Variants in LYPLAL1 observed in about 807,000 individuals in gnomAD.
The protein encoded by LYPLAL1 is lysophospholipase-like protein 1.
A neutral mutation model predicts 19.7 loss-of-function variants in LYPLAL1; 23 were observed. That is an observed-to-expected ratio of 1.17 (90% CI 0.84 to 1.65). The LOEUF (loss-of-function observed/expected upper bound fraction) is 1.65, where lower values mean the gene tolerates loss of function less well. Ranked by LOEUF, LYPLAL1 falls within the 40% of genes most tolerant of loss-of-function variation. The probability of loss-of-function intolerance (pLI) is 0.00; values close to 1 mark genes in which losing one functional copy is unlikely to be tolerated. For missense variants in LYPLAL1, 355 were observed against 279.4 expected (o/e 1.27, Z -1.93); for synonymous variants, 119 against 96.3 (o/e 1.24, Z -1.38).
the LYPLAL1 span, among the ~76,000 whole-genome samples, chr1:219,257,107 A>C: frequency 6.6e-6 from 1 of 151,938 alleles, no homozygotes; most frequent in Non-Finnish European, 1.5e-5. Flanking sequence ...CTTATGTTTT[A>C]GATCTGCTTG....
chr1:219,442,824 T>TA, the LYPLAL1 span, among the ~76,000 whole-genome samples: 3 of 152,162 alleles, frequency 2.0e-5, no homozygotes, highest in South Asian at 6.2e-4. Flanking sequence ...TATCTGACCT[T>TA]ATGATGGTAA....
At chr1:219,261,095 G>A in the LYPLAL1 span, among the ~76,000 whole-genome samples, 2 of 152,016 alleles carry the variant, frequency 1.3e-5, no homozygotes, top group Admixed American at 6.6e-5. Flanking sequence ...GTATTCAGAG[G>A]AAAAGGCATC....
the LYPLAL1 span, among the ~76,000 whole-genome samples, chr1:219,228,402 G>T: frequency 6.6e-6 from 1 of 152,210 alleles, no homozygotes; most frequent in African/African-American, 2.4e-5. Flanking sequence ...AAGTTGGAAA[G>T]TGAGAAAATC....
At chr1:219,321,883 C>G in the LYPLAL1 span, among the ~76,000 whole-genome samples, 33 of 152,216 alleles carry the variant, frequency 2.2e-4, 1 homozygote, top group East Asian at 6.0e-3. Context: ...ATACCCTAGA[C>G]CAAAGCAGCA....
the LYPLAL1 span, among the ~76,000 whole-genome samples, chr1:219,403,076 G>C: frequency 1.3e-5 from 2 of 152,262 alleles, no homozygotes; most frequent in East Asian, 3.9e-4. Flanking sequence ...ATCCTCAGGG[G>C]CAGAAACCAA....
chr1:219,242,052 A>G, the LYPLAL1 span, among the ~76,000 whole-genome samples: 1 of 152,224 alleles, frequency 6.6e-6, no homozygotes. Flanking sequence ...AATTTAAAAT[A>G]TGTTTTCTTT....
At chr1:219,394,168 T>C in the LYPLAL1 span, among the ~76,000 whole-genome samples, 1 of 152,170 alleles carries the variant, frequency 6.6e-6, no homozygotes, top group African/African-American at 2.4e-5. Context: ...TATGAGGATA[T>C]GTTTTTGTTA....
At chr1:219,259,837 A>G in the LYPLAL1 span, among the ~76,000 whole-genome samples, 2 of 151,942 alleles carry the variant, frequency 1.3e-5, no homozygotes, top group African/African-American at 2.4e-5. Context: ...AGATTACTCA[A>G]TTAAACAAAG....
At chr1:219,249,130 A>G in the LYPLAL1 span, among the ~76,000 whole-genome samples, 1 of 151,984 alleles carries the variant, frequency 6.6e-6, no homozygotes, top group African/African-American at 2.4e-5. Context: ...AAAGAACTAG[A>G]TGGTCATCAG....
the LYPLAL1 span, among the ~76,000 whole-genome samples, chr1:219,294,424 AAC>A: frequency 0.32 from 48,951 of 151,928 alleles, 8,321 homozygotes; most frequent in East Asian, 0.6. Flanking sequence ...TTTCATGGAG[AAC>A]ACAGAGCAAG....
the LYPLAL1 span, among the ~76,000 whole-genome samples, chr1:219,224,674 A>T: frequency 6.6e-6 from 1 of 152,202 alleles, no homozygotes; most frequent in African/African-American, 2.4e-5. Context: ...AATGTTGTAG[A>T]TTCAGAACTA....
At chr1:219,293,453 A>C in the LYPLAL1 span, among the ~76,000 whole-genome samples, 4 of 150,904 alleles carry the variant, frequency 2.7e-5, no homozygotes, top group Non-Finnish European at 5.9e-5. Context: ...CTCTCCCCCC[A>C]GCTCTCTCCC....
At chr1:219,190,931 G>C (rs749236875) in intron 2 of LYPLAL1, among the ~76,000 whole-genome samples, 1 of 151,512 alleles carries the variant, frequency 6.6e-6, no homozygotes. Context: ...ATTTTCCAAG[G>C]AAAAGGAATG....
At chr1:219,288,791 A>G in the LYPLAL1 span, among the ~76,000 whole-genome samples, 1 of 151,906 alleles carries the variant, frequency 6.6e-6, no homozygotes, top group Non-Finnish European at 1.5e-5. Flanking sequence ...CTTCTTCTCA[A>G]TGTTGCCATA....
At chr1:219,429,885 T>C in the LYPLAL1 span, among the ~76,000 whole-genome samples, 1 of 152,304 alleles carries the variant, frequency 6.6e-6, no homozygotes, top group East Asian at 1.9e-4. Context: ...TACAGTTATC[T>C]TGCACTTGGA....
the LYPLAL1 span, among the ~76,000 whole-genome samples, chr1:219,352,896 A>G: frequency 6.6e-6 from 1 of 152,226 alleles, no homozygotes; most frequent in African/African-American, 2.4e-5. Context: ...TAAAATATTT[A>G]CCATGCTATC....
chr1:219,360,237 G>A, the LYPLAL1 span, among the ~76,000 whole-genome samples: 1 of 152,130 alleles, frequency 6.6e-6, no homozygotes, highest in Non-Finnish European at 1.5e-5. Context: ...TTCCAAGTTC[G>A]GTATGCTTTT....
At chr1:219,216,146 A>G (rs945428504), downstream of LYPLAL1, among the ~76,000 whole-genome samples, 2 of 152,002 alleles carry the variant, frequency 1.3e-5, no homozygotes, top group African/African-American at 4.8e-5. Flanking sequence ...ACATTTTTCT[A>G]TATAATAGGC....
chr1:219,303,523 T>G, the LYPLAL1 span, among the ~76,000 whole-genome samples: 12 of 152,192 alleles, frequency 7.9e-5, no homozygotes, highest in African/African-American at 2.9e-4. Flanking sequence ...TGTCACCCAG[T>G]GTTACTGGTG....
Sources: gnomAD v4.1 joint callset for allele counts (sites outside exome capture counted in the v4.1 genomes callset) on GRCh38, gnomAD v4.1.1 for gene constraint, MANE v1.5 for transcripts, NCBI Gene and HGNC (gene_info 2026-07-23, HGNC 2026-07-21) for gene names.